The following AIG1 variants were observed in gnomAD, a reference collection of about 807,000 sequenced individuals.
AIG1 encodes androgen-induced gene 1 protein.
Under a neutral mutation model 31.4 loss-of-function variants are expected in AIG1, and 23 were observed. That is an observed-to-expected ratio of 0.73 (90% CI 0.53 to 1.04). The LOEUF (loss-of-function observed/expected upper bound fraction) is 1.04, where lower values mean the gene tolerates loss of function less well. Ranked by LOEUF, AIG1 falls within the 50% of genes least tolerant of loss-of-function variation. AIG1 has a pLI of 0.00. For synonymous variants in AIG1, 100 were observed against 110.5 expected, an observed-to-expected ratio of 0.90 and a Z score of 0.60; for missense variants, 274 against 295.0, an observed-to-expected ratio of 0.93 and a Z score of 0.52.
At chr6:143,238,846 A>G (rs1201183592) in intron 3 of AIG1, among the ~76,000 whole-genome samples, 1 of 152,244 alleles carries the variant, frequency 6.6e-6, no homozygotes, top group African/African-American at 2.4e-5. Context: ...TGCCACTAAG[A>G]GACTCCTATA....
intron 1 of AIG1, among the ~76,000 whole-genome samples, chr6:143,079,701 T>C (rs1404501066): frequency 6.6e-6 from 1 of 152,158 alleles, no homozygotes; most frequent in Non-Finnish European, 1.5e-5. Context: ...ATTCGAGTGT[T>C]TATATTGATT....
intron 1 of AIG1, among the ~76,000 whole-genome samples, chr6:143,073,582 G>T (rs1777480574): frequency 6.6e-6 from 1 of 152,162 alleles, no homozygotes; most frequent in South Asian, 2.1e-4. Context: ...TAATGGGTGT[G>T]AGATGGTATC....
intron 2 of AIG1, among the ~76,000 whole-genome samples, chr6:143,146,904 G>A (rs986382802): frequency 1.7e-4 from 26 of 152,060 alleles, no homozygotes; most frequent in Admixed American, 1.3e-4. Flanking sequence ...AATCCTCTTA[G>A]GGAACAAAAG....
chr6:143,332,029 G>C (rs1055955218), intron 4 of AIG1, among the ~76,000 whole-genome samples: 9 of 151,494 alleles, frequency 5.9e-5, no homozygotes, highest in African/African-American at 2.2e-4. Context: ...GCACCACCAC[G>C]CCCAGCTAAT....
chr6:143,141,123 A>C (rs898061663), intron 2 of AIG1, among the ~76,000 whole-genome samples: 2 of 152,254 alleles, frequency 1.3e-5, no homozygotes, highest in Non-Finnish European at 2.9e-5. Flanking sequence ...GAAAGTAAAG[A>C]GTGAATGCAT....
chr6:143,090,122 G>T (rs7760119), intron 1 of AIG1, among the ~76,000 whole-genome samples: 8,632 of 152,268 alleles, frequency 0.057, 524 homozygotes, highest in East Asian at 0.31. Flanking sequence ...AAAGGATAGA[G>T]AGTTTAGTAA....
rs534587575 is a variant in AIG1, at chr6:143,084,966, G to A, written c.141+23900G>A. On this transcript the variant is annotated intron_variant, in intron 1 of 5. Transcript: ENST00000357847. ...ACTTAACTGTAACTGAGATATCAGA[G>A]ATCGCCAAACTCTCGGGCTGCAGTT... 1.5e-4 allele frequency among the ~76,000 whole-genome samples: 23 copies of A among 152,288 alleles called. 1 individual carries two copies. The East Asian group carries it at 3.3e-3, about 22-fold the overall frequency.
chr6:143,282,657 C>A (rs1271159422), intron 3 of AIG1, among the ~76,000 whole-genome samples: 1 of 152,192 alleles, frequency 6.6e-6, no homozygotes, highest in East Asian at 1.9e-4. Flanking sequence ...CAGAATGCCA[C>A]ACTCTAATTA....
chr6:143,090,291 G>A (rs1181772797), intron 1 of AIG1, among the ~76,000 whole-genome samples: 1 of 145,002 alleles, frequency 6.9e-6, no homozygotes, highest in Non-Finnish European at 1.5e-5. Context: ...CTATCTATCT[G>A]TCTTTCTATC....
At chr6:143,295,900 G>T (rs918095301) in intron 4 of AIG1, among the ~76,000 whole-genome samples, 3 of 152,064 alleles carry the variant, frequency 2.0e-5, no homozygotes, top group African/African-American at 4.8e-5. Context: ...GGGCTTCCTT[G>T]TCTCCAGTAT....
intron 1 of AIG1, among the ~76,000 whole-genome samples, chr6:143,090,362 A>G (rs1779192053): frequency 6.6e-6 from 1 of 152,208 alleles, no homozygotes; most frequent in Admixed American, 6.5e-5. Flanking sequence ...TATACTGTAT[A>G]TATAAAAAGA....
intron 1 of AIG1, among the ~76,000 whole-genome samples, chr6:143,118,475 C>T (rs1218388322): frequency 6.7e-6 from 1 of 150,096 alleles, no homozygotes; most frequent in African/African-American, 2.5e-5. Flanking sequence ...AAAAAAAAAT[C>T]ACTAAAATGG....
At chr6:143,317,420 A>G (rs776326688) in intron 4 of AIG1, among the ~76,000 whole-genome samples, 4 of 152,160 alleles carry the variant, frequency 2.6e-5, no homozygotes, top group Non-Finnish European at 5.9e-5. Context: ...GATCATCTCA[A>G]TAGATGAAGA....
chr6:143,086,960 G>T (rs557238545), intron 1 of AIG1, among the ~76,000 whole-genome samples: 15 of 152,268 alleles, frequency 9.9e-5, no homozygotes, highest in African/African-American at 3.6e-4. Context: ...GAAAAATTGT[G>T]AAAGCGGAAG....
At chr6:143,176,669 C>T (rs555005286) in intron 3 of AIG1, among the ~76,000 whole-genome samples, 83 of 152,342 alleles carry the variant, frequency 5.4e-4, no homozygotes, top group African/African-American at 1.9e-3. Context: ...TCCCATGCAG[C>T]CTGCTGCATG....
At chr6:143,086,796 G>A (rs982826833) in intron 1 of AIG1, among the ~76,000 whole-genome samples, 6 of 152,260 alleles carry the variant, frequency 3.9e-5, no homozygotes, top group Admixed American at 1.3e-4. Flanking sequence ...AGTTGTGGTC[G>A]GGACCTAGGA....
chr6:143,261,188 G>T (rs1318921973), intron 3 of AIG1, among the ~76,000 whole-genome samples: 1 of 152,156 alleles, frequency 6.6e-6, no homozygotes, highest in Non-Finnish European at 1.5e-5. Context: ...CTGGAGTGCA[G>T]CGGCGCGATC....
chr6:143,172,314 T>A (rs966148005), intron 3 of AIG1, among the ~76,000 whole-genome samples: 1 of 152,220 alleles, frequency 6.6e-6, no homozygotes, highest in African/African-American at 2.4e-5. Flanking sequence ...ATGGCTCCAA[T>A]GAGATGATCA....
chr6:143,111,401 G>T (rs1001904833), intron 1 of AIG1, among the ~76,000 whole-genome samples: 3 of 152,276 alleles, frequency 2.0e-5, no homozygotes, highest in East Asian at 1.9e-4. Context: ...TTCTTTTGCG[G>T]CTTTCTTGAT....
Sources: allele counts gnomAD v4.1 joint callset (sites outside exome capture counted in the v4.1 genomes callset), GRCh38; gene constraint gnomAD v4.1.1; transcripts MANE v1.5; gene names NCBI Gene and HGNC (gene_info 2026-07-23, HGNC 2026-07-21).